CAPN13: variants seen among roughly 807,000 people sequenced by gnomAD.
CAPN13 encodes calpain-13.
In CAPN13, 90 loss-of-function variants were observed where a neutral mutation model predicts 98.4. The ratio of observed to expected loss-of-function variants is 0.92; its 90% CI spans 0.77 to 1.09. CAPN13 has a LOEUF of 1.09. CAPN13 is among the 50% of genes least tolerant of loss of function. The pLI, the probability that CAPN13 is intolerant of heterozygous loss-of-function variation, is 0.00. For synonymous variants in CAPN13, 330 were observed against 305.5 expected, an observed-to-expected ratio of 1.08 and a Z score of -0.84; for missense variants, 887 against 841.3, an observed-to-expected ratio of 1.05 and a Z score of -0.67.
Position 30,751,027 on chromosome 2 carries a change from G to A in CAPN13, c.1236+76C>T, listed in dbSNP as rs562405375. ...GTGGTGCAGTCAAATCTCCCAGCCT[G>A]GCCAGAGCTGTTCTCCCCAACTCAA... On this transcript the variant is annotated intron_variant, in intron 11 of 22. Coordinates refer to ENST00000295055, the MANE Select transcript of CAPN13 (RefSeq NM_144575.3). The A allele has an allele frequency of 7.3e-5, 110 of 1,506,644 alleles. 2 individuals carry two copies. The South Asian group carries it at 1.2e-3, about 17-fold the overall frequency. 93.3% of individuals were successfully genotyped at this position (1,506,644 alleles called of 1,614,324 possible).
intron 1 of CAPN13, among the ~76,000 whole-genome samples, chr2:30,803,192 ATGTT>A (rs1358921013): frequency 1.3e-5 from 2 of 152,180 alleles, no homozygotes; most frequent in African/African-American, 2.4e-5. Flanking sequence ...AGAAAAGAGA[ATGTT>A]TGGCGAGAAG....
chr2:30,752,672 T>G (rs760446396), intron 10 of CAPN13, among the ~76,000 whole-genome samples: 1 of 152,192 alleles, frequency 6.6e-6, no homozygotes, highest in Non-Finnish European at 1.5e-5. Flanking sequence ...AAGGCCAGTA[T>G]GTGGCAAAGA....
chr2:30,794,985 A>C (rs1020758783), intron 1 of CAPN13, among the ~76,000 whole-genome samples: 3 of 152,018 alleles, frequency 2.0e-5, no homozygotes, highest in African/African-American at 7.2e-5. Flanking sequence ...AAAACTCATC[A>C]AAGTTTATAC....
chr2:30,729,273 T>C (rs1367829428), intron 22 of CAPN13, among the ~76,000 whole-genome samples: 3 of 152,136 alleles, frequency 2.0e-5, no homozygotes, highest in Non-Finnish European at 4.4e-5. Context: ...ATGAGGAAGC[T>C]AGGGAAGCGC....
Position 30,753,066 on chromosome 2 carries a change from T to C in CAPN13, c.1074A>G (p.Leu358=). 1 of 1,613,946 alleles carries C rather than the reference T, an allele frequency of 6.2e-7. No individual in the cohort carries two copies. The highest frequency in any genetic ancestry group is 8.5e-7 in the Non-Finnish European group (1 of 1,179,842). The part of the protein sequence containing the change: ...SQIMFRKQVI[L]GNTAGGPRND... ...CGTCATGATTACCTGCAGTGTTTCC[T>C]AGAATCACTTGCTTCCTAAACATTA... Residue 358 remains leucine (L), a synonymous_variant, in exon 10 of 23, where the codon CTA becomes CTG. Coordinates refer to ENST00000295055, the MANE Select transcript of CAPN13 (RefSeq NM_144575.3).
intron 1 of CAPN13, among the ~76,000 whole-genome samples, chr2:30,804,635 C>A (rs1675495560): frequency 1.3e-5 from 2 of 152,166 alleles, no homozygotes; most frequent in African/African-American, 4.8e-5. Flanking sequence ...GTATACCATG[C>A]TTTAGGAAAC....
chr2:30,803,712 T>C (rs1675432773), intron 1 of CAPN13, among the ~76,000 whole-genome samples: 1 of 152,086 alleles, frequency 6.6e-6, no homozygotes, highest in Non-Finnish European at 1.5e-5. Flanking sequence ...TGGGCAAATC[T>C]CCACTTCATA....
chr2:30,737,997 A>G, intron 17 of CAPN13: 1 of 558,410 alleles, frequency 1.8e-6, no homozygotes, highest in Non-Finnish European at 3.3e-6. Flanking sequence ...ACACACACAC[A>G]CACACACACC....
At chr2:30,791,661 A>C (rs139600667) in intron 1 of CAPN13, among the ~76,000 whole-genome samples, 6 of 152,380 alleles carry the variant, frequency 3.9e-5, no homozygotes, top group African/African-American at 1.4e-4. Flanking sequence ...CATGGAAAAG[A>C]TGCATAAGAG....
At chr2:30,796,663 A>G (rs1179621523) in intron 1 of CAPN13, among the ~76,000 whole-genome samples, 1 of 152,222 alleles carries the variant, frequency 6.6e-6, no homozygotes, top group East Asian at 1.9e-4. Flanking sequence ...GAAATTAACT[A>G]AGGAAACTGC....
At chr2:30,802,472 T>TGTGTG (rs1190154870) in intron 1 of CAPN13, among the ~76,000 whole-genome samples, 20 of 146,002 alleles carry the variant, frequency 1.4e-4, no homozygotes, top group African/African-American at 4.0e-4. Context: ...TATGTGTGTG[T>TGTGTG]GTGTGTGTGT....
intron 11 of CAPN13, among the ~76,000 whole-genome samples, chr2:30,748,762 AC>A (rs1464412124): frequency 6.6e-6 from 1 of 152,170 alleles, no homozygotes; most frequent in Non-Finnish European, 1.5e-5. Context: ...ACGGTGTACT[AC>A]TGCATCCTTA....
intron 1 of CAPN13, among the ~76,000 whole-genome samples, chr2:30,795,859 T>A (rs902214768): frequency 1.3e-5 from 2 of 152,042 alleles, no homozygotes; most frequent in Non-Finnish European, 2.9e-5. Context: ...TGTAAGAGAT[T>A]CTCTTTTTAA....
intron 3 of CAPN13, 132 bp from the exon 4 acceptor site, chr2:30,776,177 A>T (rs1250914286): frequency 7.0e-6 from 4 of 572,850 alleles, no homozygotes; most frequent in Non-Finnish European, 9.1e-6. Flanking sequence ...CCTCTGAGAG[A>T]GGAGAACCGG....
rs751757530 is a variant in CAPN13, at chr2:30,743,527, A to G, written c.1301T>C (p.Val434Ala). 11 of 1,613,856 alleles carry G rather than the reference A, an allele frequency of 6.8e-6. No individual in the cohort carries two copies. The change falls in exon 13 of 23, where the codon GTC becomes GCC. Residue 434 changes from valine (V) to alanine (A), a missense_variant. Val to Ala is a moderately conservative substitution (Grantham distance 64, BLOSUM62 0). Coordinates refer to ENST00000295055, the MANE Select transcript of CAPN13 (RefSeq NM_144575.3). ...PVFFSSFRNT[V>A]QSSNNKFRRN... ...GCGGAATTTATTATTTGAGCTTTGGACAGTGTTTCTGAACGAGGAAAAAAA... is the reference window on the plus strand; with the variant it reads ...GCGGAATTTATTATTTGAGCTTTGGGCAGTGTTTCTGAACGAGGAAAAAAA...
At chr2:30,753,290 C>A in intron 9 of CAPN13, 92 bp from the exon 10 acceptor site, 2 of 1,319,628 alleles carry the variant, frequency 1.5e-6, no homozygotes, top group Non-Finnish European at 2.1e-6. Flanking sequence ...CACTGTCCTG[C>A]CCAGAGGCCA....
chr2:30,727,858 C>T (rs542956650), intron 22 of CAPN13, among the ~76,000 whole-genome samples: 3 of 152,078 alleles, frequency 2.0e-5, no homozygotes, highest in African/African-American at 7.2e-5. Context: ...TGTGCACAAA[C>T]ATTCATAGCA....
chr2:30,765,773 A>G (rs918553207), intron 5 of CAPN13, among the ~76,000 whole-genome samples: 6 of 152,270 alleles, frequency 3.9e-5, no homozygotes, highest in African/African-American at 1.4e-4. Flanking sequence ...CTTAGAAGGA[A>G]TGGCTTAGAA....
At chr2:30,779,217 G>A (rs1440515438) in intron 2 of CAPN13, among the ~76,000 whole-genome samples, 2 of 152,208 alleles carry the variant, frequency 1.3e-5, no homozygotes, top group African/African-American at 4.8e-5. Context: ...GATCCCCAGG[G>A]CAGGAGAAGG....
Sources: allele counts gnomAD v4.1 joint callset (sites outside exome capture counted in the v4.1 genomes callset), GRCh38; gene constraint gnomAD v4.1.1; transcripts MANE v1.5; gene names NCBI Gene and HGNC (gene_info 2026-07-23, HGNC 2026-07-21).